Variants in CHN2 observed in about 807,000 individuals in gnomAD.
The protein encoded by CHN2 is chimerin 2.
CHN2 carries 35 observed loss-of-function variants against 56.3 expected under a neutral mutation model. The ratio of observed to expected loss-of-function variants is 0.62; its 90% CI spans 0.47 to 0.82. CHN2 has a LOEUF of 0.82. CHN2 is among the 40% of genes least tolerant of loss of function. The pLI, the probability that CHN2 is intolerant of heterozygous loss-of-function variation, is 0.00. For synonymous variants in CHN2, 210 were observed against 212.8 expected (o/e 0.99, Z 0.12); for missense variants, 491 against 580.5 (o/e 0.85, Z 1.58).
At chr7:29,209,250 C>A (rs571774088) in intron 1 of CHN2, among the ~76,000 whole-genome samples, 39 of 152,260 alleles carry the variant, frequency 2.6e-4, no homozygotes, top group African/African-American at 9.4e-4. Context: ...ACATCCGCCA[C>A]AATTATGTCA....
At chr7:29,378,014 C>G (rs2128053830) in intron 3 of CHN2, among the ~76,000 whole-genome samples, 1 of 152,300 alleles carries the variant, frequency 6.6e-6, no homozygotes, top group East Asian at 1.9e-4. Context: ...TTGGATCTCC[C>G]TGGGTATTTC....
intron 7 of CHN2, chr7:29,483,861 C>T (rs1468184688): frequency 7.7e-7 from 1 of 1,300,030 alleles, no homozygotes; most frequent in Non-Finnish European, 1.0e-6. Flanking sequence ...CTGGCCACAC[C>T]ATGTTCTTCC....
At chr7:29,365,499 C>T (rs1431303593) in intron 2 of CHN2, among the ~76,000 whole-genome samples, 3 of 152,130 alleles carry the variant, frequency 2.0e-5, no homozygotes, top group African/African-American at 7.2e-5. Flanking sequence ...GTCTTTGGAT[C>T]TGGTGTGAGA....
intron 1 of CHN2, among the ~76,000 whole-genome samples, chr7:29,287,986 G>A (rs1049081877): frequency 6.6e-6 from 1 of 152,128 alleles, no homozygotes; most frequent in Non-Finnish European, 1.5e-5. Context: ...ACTGCAATTA[G>A]ATTTTCATAA....
intron 9 of CHN2, 23 bp from the exon 10 acceptor site, chr7:29,504,721 G>GTCTCTC: frequency 1.6e-6 from 2 of 1,285,604 alleles, no homozygotes; most frequent in African/African-American, 1.5e-5. Flanking sequence ...GCTAAAGTCA[G>GTCTCTC]TCTCTCTCTC....
chr7:29,184,146 A>T (rs1350193024), intron 2 of CHN2, among the ~76,000 whole-genome samples: 1 of 141,436 alleles, frequency 7.1e-6, no homozygotes, highest in Admixed American at 7.4e-5. Flanking sequence ...GAAGATACAG[A>T]TAGATGATAG....
intron 2 of CHN2, among the ~76,000 whole-genome samples, chr7:29,355,627 C>T (rs1798236241): frequency 6.6e-6 from 1 of 151,954 alleles, no homozygotes; most frequent in South Asian, 2.1e-4. Context: ...CAGGCCCTGG[C>T]TCAGGCTCTG....
chr7:29,375,306 C>A (rs1195296182), intron 3 of CHN2, among the ~76,000 whole-genome samples: 1 of 145,182 alleles, frequency 6.9e-6, no homozygotes, highest in Non-Finnish European at 1.5e-5. Flanking sequence ...TCAAGCCATT[C>A]TCCTGCCTCA....
Position 29,359,675 on chromosome 7 carries a change from T to A in CHN2, c.88+5012T>A, listed in dbSNP as rs565890178. 3.0e-4 allele frequency among the ~76,000 whole-genome samples: 45 copies of A among 152,314 alleles called. 1 individual carries two copies. The South Asian group carries it at 8.3e-3, about 28-fold the overall frequency. ...TCTCAAGACTGAATACAAGAAACATTGATGACGTCACTGAGAAAGCTTTGG... is the reference window on the plus strand; with the variant it reads ...TCTCAAGACTGAATACAAGAAACATAGATGACGTCACTGAGAAAGCTTTGG... On this transcript the variant is annotated intron_variant, in intron 2 of 12. Coordinates refer to ENST00000222792, the MANE Select transcript of CHN2 (RefSeq NM_004067.4).
intron 1 of CHN2, among the ~76,000 whole-genome samples, chr7:29,317,844 C>A (rs1795068360): frequency 6.6e-6 from 1 of 152,086 alleles, no homozygotes; most frequent in Non-Finnish European, 1.5e-5. Flanking sequence ...CAAACATTAG[C>A]CCAGTGTGGT....
rs146360122 is a variant in CHN2, at chr7:29,346,806, G to GT, written c.50-7818dup. Among the ~76,000 whole-genome samples, 611 of 152,224 alleles carry GT rather than the reference G, an allele frequency of 4.0e-3. 23 individuals carry two copies. The South Asian group carries it at 0.088, about 22-fold the overall frequency. The stretch of plus-strand genomic sequence containing the variant: ...GTTTGCAGGTATTTCCTCTTCAGTT[G>GT]TCACTTTGCCAAGTGGAGCACATGT... On this transcript the variant is annotated intron_variant, in intron 1 of 12. Transcript: ENST00000222792.
chr7:29,196,328 A>T (rs1783709412), intron 1 of CHN2, among the ~76,000 whole-genome samples: 1 of 152,172 alleles, frequency 6.6e-6, no homozygotes, highest in African/African-American at 2.4e-5. Flanking sequence ...CTAATTGAAA[A>T]CACGTTGTTG....
At chr7:29,399,235 G>A (rs1341194812) in intron 5 of CHN2, among the ~76,000 whole-genome samples, 1 of 152,182 alleles carries the variant, frequency 6.6e-6, no homozygotes, top group Non-Finnish European at 1.5e-5. Context: ...AGCTGGCCGA[G>A]GCTGCAGCGT....
intron 6 of CHN2, among the ~76,000 whole-genome samples, chr7:29,424,715 G>A (rs528970385): frequency 1.3e-5 from 2 of 152,052 alleles, no homozygotes; most frequent in African/African-American, 2.4e-5. Context: ...AATCTGTTAG[G>A]CCAAAGTTCA....
At chr7:29,380,850 G>A (rs1391947499) in intron 3 of CHN2, 1 of 152,154 alleles carries the variant, frequency 6.6e-6, no homozygotes, top group East Asian at 1.9e-4. Context: ...GAATAATGAA[G>A]ATGAATTAAG....
At chr7:29,173,275 G>T (rs1452973967) in intron 2 of CHN2, among the ~76,000 whole-genome samples, 1 of 152,126 alleles carries the variant, frequency 6.6e-6, no homozygotes, top group Non-Finnish European at 1.5e-5. Context: ...CCTGTAGCTG[G>T]CATTGCCCTG....
chr7:29,251,289 C>T (rs1177092162), intron 1 of CHN2, among the ~76,000 whole-genome samples: 1 of 151,704 alleles, frequency 6.6e-6, no homozygotes, highest in Non-Finnish European at 1.5e-5. Flanking sequence ...CCTGTCTCTA[C>T]AAGAAAATAC....
At position 29,323,882 on chromosome 7, in the gene CHN2, T is replaced by C. The variant is rs530153761; in HGVS notation, c.50-30743T>C. On this transcript the variant is annotated intron_variant, in intron 1 of 12. Transcript: ENST00000222792. ...AGCCGGGCGTGGTGGCAGGCACCTG[T>C]GGTCCCAGCTACTGGGGAGGCTGAG... Among the ~76,000 whole-genome samples the C allele has an allele frequency of 5.9e-4, 90 of 152,114 alleles. No homozygotes were observed. In the South Asian group the frequency reaches 0.014, roughly 23 times the overall value.
chr7:29,398,101 C>T, intron 4 of CHN2: 1 of 255,462 alleles, frequency 3.9e-6, no homozygotes, highest in Non-Finnish European at 7.3e-6. Context: ...CTTTTTGTTT[C>T]AACTTTCATT....
Sources: allele counts gnomAD v4.1 joint callset (sites outside exome capture counted in the v4.1 genomes callset), GRCh38; gene constraint gnomAD v4.1.1; transcripts MANE v1.5; gene names NCBI Gene and HGNC (gene_info 2026-07-23, HGNC 2026-07-21).